The following MDM1 variants were observed in gnomAD, a reference collection of about 807,000 sequenced individuals.
MDM1 encodes the protein Mdm1 nuclear protein.
Under a neutral mutation model 89.1 loss-of-function variants are expected in MDM1, and 61 were observed. The observed-to-expected ratio is 0.68, with a 90% CI of 0.56 to 0.85. The LOEUF is 0.85. Ranked by LOEUF, MDM1 falls within the 40% of genes least tolerant of loss-of-function variation. MDM1 has a pLI of 0.00. For missense variants in MDM1, 820 were observed against 846.5 expected (o/e 0.97, Z 0.39); for synonymous variants, 290 against 294.1 (o/e 0.99, Z 0.14).
At chr12:68,301,035 T>C (rs567255798) in intron 13 of MDM1, among the ~76,000 whole-genome samples, 136 of 152,270 alleles carry the variant, frequency 8.9e-4, no homozygotes, top group Non-Finnish European at 1.5e-3. Context: ...ACATAGAAAT[T>C]AAATAATCTG....
At chr12:68,295,579 C>T (rs1328182097) in intron 14 of MDM1, among the ~76,000 whole-genome samples, 1 of 152,130 alleles carries the variant, frequency 6.6e-6, no homozygotes, top group African/African-American at 2.4e-5. Context: ...GAAATCAAAC[C>T]TTTTAATCTT....
rs763813440 is a variant in MDM1, at chr12:68,314,989, C to T, written c.1488G>A (p.Leu496=). The change falls in exon 10 of 15, where the codon TTG becomes TTA. Residue 496 remains leucine (L), a synonymous_variant. Coordinates refer to ENST00000682720, the MANE Select transcript of MDM1 (RefSeq NM_001354969.2). ...KQAFMGEQEK[L]DVREKSKADK... ...CTGCCTTAGATTTCTCACGTACATC[C>T]AACTTCTCTTGCTCTCCCATAAAAG... 5.6e-6 allele frequency: 9 copies of T among 1,613,998 alleles called. No homozygotes were observed. In the African/African-American group the frequency reaches 8.0e-5, roughly 14 times the overall value.
At chr12:68,327,624 G>C in intron 2 of MDM1, 1 of 1,017,054 alleles carries the variant, frequency 9.8e-7, no homozygotes, top group Non-Finnish European at 1.5e-6. Flanking sequence ...GGTAAGAGCA[G>C]CTCTGCAGAA....
intron 2 of MDM1, chr12:68,327,529 T>C: frequency 1.3e-6 from 2 of 1,530,986 alleles, no homozygotes; most frequent in Non-Finnish European, 1.8e-6. Flanking sequence ...TAAAAAAGAA[T>C]AAGCCCTTTT....
chr12:68,316,141 A>C lies in MDM1; in HGVS notation c.1148T>G (p.Val383Gly). Residue 383 changes from valine to glycine, a missense_variant, in exon 9 of 15, where the codon GTC becomes GGC. Transcript: ENST00000682720. ...TCCTTCTGAGCTTGTGGTTGAGGAGACATCCCAACAGCAGTTGCTATCAGA... is the reference window on the plus strand; with the variant it reads ...TCCTTCTGAGCTTGTGGTTGAGGAGCCATCCCAACAGCAGTTGCTATCAGA... ...ILSDSNCCWD[V>G]SSTTSSEGTV... 1.9e-6 allele frequency: 3 copies of C among 1,614,068 alleles called. No individual in the cohort carries two copies. Among genetic ancestry groups the C allele is most frequent in the Non-Finnish European group, 2.5e-6 (3 of 1,179,958 alleles).
rs540079689 is a variant in MDM1, at chr12:68,322,384, G to A, written c.801+689C>T. Among the ~76,000 whole-genome samples the A allele has an allele frequency of 1.4e-3, 206 of 152,310 alleles. 1 individual carries two copies. The highest frequency in any genetic ancestry group is 2.0e-3 in the Admixed American group (31 of 15,306). On this transcript the variant is annotated intron_variant, in intron 5 of 14. Coordinates refer to ENST00000682720, the MANE Select transcript of MDM1 (RefSeq NM_001354969.2). Reference sequence around the variant, plus strand: ...GTGGTGGCTCACACCTGTAATCCCAGCACTTCAGGAGGCCAAGGTAGGCGG... The same window carrying A: ...GTGGTGGCTCACACCTGTAATCCCAACACTTCAGGAGGCCAAGGTAGGCGG...
chr12:68,306,484 T>C (rs138897901), intron 12 of MDM1, among the ~76,000 whole-genome samples: 72 of 152,236 alleles, frequency 4.7e-4, no homozygotes, highest in African/African-American at 1.7e-3. Context: ...GAGAAAATAT[T>C]TGCAAACTAC....
intron 12 of MDM1, among the ~76,000 whole-genome samples, chr12:68,308,025 C>T (rs1490950713): frequency 1.3e-5 from 2 of 151,326 alleles, no homozygotes; most frequent in Non-Finnish European, 2.9e-5. Flanking sequence ...CCTTTCTAAT[C>T]TCATTTCCTG....
At chr12:68,330,629 G>A (rs1462602298) in intron 2 of MDM1, 1 of 153,392 alleles carries the variant, frequency 6.5e-6, no homozygotes, top group East Asian at 1.9e-4. Context: ...AGTTCCTTCA[G>A]ACCGCCAATA....
At chr12:68,303,976 G>A (rs1872557301) in intron 12 of MDM1, among the ~76,000 whole-genome samples, 1 of 152,204 alleles carries the variant, frequency 6.6e-6, no homozygotes, top group Non-Finnish European at 1.5e-5. Flanking sequence ...ACTGGCTCAT[G>A]CCTGTAATCC....
chr12:68,327,264 G>A, intron 2 of MDM1: 4 of 1,401,100 alleles, frequency 2.9e-6, no homozygotes, highest in East Asian at 2.6e-5. Flanking sequence ...AAAATCAGGG[G>A]GTCACAAAAT....
rs779618424 is a variant in MDM1 at position 68,323,246 on chromosome 12, A to G, written c.634-6T>C. ...TGGCTTTTATTGTGGAAAACCTTAAAACAAAAATTATTTTAGTTTAGTTTT... is the reference window on the plus strand; with the variant it reads ...TGGCTTTTATTGTGGAAAACCTTAAGACAAAAATTATTTTAGTTTAGTTTT... On this transcript the variant is annotated splice_polypyrimidine_tract_variant and splice_region_variant and intron_variant, in intron 4 of 14. Transcript: ENST00000682720. 2.0e-6 allele frequency: 3 copies of G among 1,534,202 alleles called. No individual in the cohort carries two copies. Among genetic ancestry groups the G allele is most frequent in the Non-Finnish European group, 2.6e-6 (3 of 1,147,588 alleles).
intron 12 of MDM1, among the ~76,000 whole-genome samples, chr12:68,310,183 C>T (rs1053323596): frequency 6.6e-6 from 1 of 152,224 alleles, no homozygotes; most frequent in Non-Finnish European, 1.5e-5. Flanking sequence ...GTTGGCCAGG[C>T]TGGTCTTGAA....
chr12:68,323,499 T>TAA (rs1365636374), intron 4 of MDM1: 1 of 271,300 alleles, frequency 3.7e-6, no homozygotes, highest in East Asian at 8.1e-5. Context: ...TCATATGACA[T>TAA]AGACATTAGC....
chr12:68,320,365 T>C (rs141649379), intron 7 of MDM1, among the ~76,000 whole-genome samples: 1 of 152,142 alleles, frequency 6.6e-6, no homozygotes, highest in African/African-American at 2.4e-5. Context: ...CTGTGCTGTC[T>C]TCAGGCCGTG....
At chr12:68,321,234 T>C in intron 7 of MDM1, 113 bp downstream of exon 7, 1 of 670,292 alleles carries the variant, frequency 1.5e-6, no homozygotes, top group Admixed American at 3.0e-5. Context: ...GCTATTATTA[T>C]ATCATACTTC....
intron 7 of MDM1, among the ~76,000 whole-genome samples, chr12:68,317,463 G>A (rs1874649783): frequency 6.6e-6 from 1 of 151,540 alleles, no homozygotes; most frequent in African/African-American, 2.4e-5. Flanking sequence ...TAGAAACATA[G>A]CTCCTTAACA....
chr12:68,315,545 T>C (rs1446862399), intron 9 of MDM1, among the ~76,000 whole-genome samples: 1 of 152,244 alleles, frequency 6.6e-6, no homozygotes. Flanking sequence ...ACACAAGTCA[T>C]ACCTAGCCCT....
In MDM1 at chr12:68,326,965, G is replaced by A; in HGVS notation, c.190C>T (p.Gln64Ter). ...SKRRVPYHDP[Q>*]ISKSLEWNGA... is the part of the protein sequence containing the mutation. ...TTCCACTCCAGAGATTTTGAAATCT[G>A]TGGGTCATGGTAAGGGACTCTTCTT... is the stretch of plus-strand genomic sequence containing the variant. The change falls in exon 3 of 15, where the codon CAG becomes TAG. Residue 64 changes from glutamine (Q) to a stop codon, truncating the protein, a stop_gained. Coordinates refer to ENST00000682720, the MANE Select transcript of MDM1 (RefSeq NM_001354969.2). LOFTEE classifies it high-confidence loss of function. 2 of 1,613,452 alleles carry A rather than the reference G, an allele frequency of 1.2e-6. No individual in the cohort carries two copies. Among genetic ancestry groups the A allele is most frequent in the African/African-American group, 2.7e-5 (2 of 75,028 alleles).
Sources: gnomAD v4.1 joint callset for allele counts (sites outside exome capture counted in the v4.1 genomes callset) on GRCh38, gnomAD v4.1.1 for gene constraint, MANE v1.5 for transcripts, NCBI Gene and HGNC (gene_info 2026-07-23, HGNC 2026-07-21) for gene names.